The following BRF1 variants were observed in gnomAD, a reference collection of about 807,000 sequenced individuals.
BRF1 encodes the protein BRF1 general transcription factor IIIB subunit, also known as transcription factor IIIB 90 kDa subunit.
In BRF1, 59 loss-of-function variants were observed where a neutral mutation model predicts 81.7. That is an observed-to-expected ratio of 0.72 (90% confidence interval 0.59 to 0.90). BRF1 has a LOEUF of 0.90. Ranked by LOEUF, BRF1 falls within the 40% of genes least tolerant of loss-of-function variation. The pLI is 0.00. For missense variants in BRF1, 1,050 were observed against 936.3 expected, an observed-to-expected ratio of 1.12 and a Z score of -1.58; for synonymous variants, 491 against 395.6, an observed-to-expected ratio of 1.24 and a Z score of -2.86.
intron 6 of BRF1, among the ~76,000 whole-genome samples, chr14:105,240,957 G>T (rs1398056137): frequency 6.6e-6 from 1 of 152,176 alleles, no homozygotes; most frequent in Admixed American, 6.5e-5. Flanking sequence ...CAGAAGCCGG[G>T]CCCCACGAGA....
chr14:105,247,138 TGG>T, intron 5 of BRF1: 1 of 985,492 alleles, frequency 1.0e-6, no homozygotes, highest in Non-Finnish European at 1.2e-6. Flanking sequence ...TCTTTGCCAG[TGG>T]GGTCCCACAC....
intron 1 of BRF1, among the ~76,000 whole-genome samples, chr14:105,292,476 A>G (rs112189971): frequency 2.0e-4 from 30 of 152,220 alleles, no homozygotes; most frequent in African/African-American, 7.0e-4. Context: ...GTTTCCCAAA[A>G]TCCTGGGATT....
intron 10 of BRF1, among the ~76,000 whole-genome samples, chr14:105,222,707 C>A (rs1361140239): frequency 6.6e-6 from 1 of 152,062 alleles, no homozygotes; most frequent in Non-Finnish European, 1.5e-5. Context: ...CGGCTCACTG[C>A]AAGCTCCGCC....
chr14:105,245,124 C>T (rs1456305398), intron 5 of BRF1, among the ~76,000 whole-genome samples: 6 of 152,044 alleles, frequency 3.9e-5, no homozygotes, highest in Non-Finnish European at 4.4e-5. Flanking sequence ...TTTGGGAGGC[C>T]GAGGCAGGTG....
intron 6 of BRF1, among the ~76,000 whole-genome samples, chr14:105,229,556 A>G (rs916490720): frequency 4.9e-4 from 74 of 152,344 alleles, no homozygotes; most frequent in African/African-American, 1.7e-3. Flanking sequence ...TCCACCCACC[A>G]GCACCAAGGG....
intron 3 of BRF1, among the ~76,000 whole-genome samples, chr14:105,259,944 G>A (rs2056067930): frequency 1.3e-5 from 2 of 152,272 alleles, no homozygotes; most frequent in South Asian, 4.1e-4. Flanking sequence ...ACAGGGCACA[G>A]ATCATATGAT....
At chr14:105,270,286 G>A (rs1595434804) in intron 3 of BRF1, among the ~76,000 whole-genome samples, 3 of 150,982 alleles carry the variant, frequency 2.0e-5, no homozygotes, top group African/African-American at 7.3e-5. Context: ...CCATTCTCCT[G>A]CCTCAGCCTC....
In BRF1 at chr14:105,212,069, T is replaced by G. The variant is rs587775517; in HGVS notation, c.1824+44A>C. 5 of 1,605,002 alleles carry G rather than the reference T, an allele frequency of 3.1e-6. No individual in the cohort carries two copies. The East Asian group carries it at 1.1e-4, about 36-fold the overall frequency. On this transcript the variant is annotated intron_variant, in intron 16 of 17. Transcript: ENST00000547530. Reference sequence around the variant, plus strand: ...CATCTGGGCCCAGGAAGAAGTGGGCTGCCTCCCAAGGTCTCCCTGCCCTGG... The same window carrying G: ...CATCTGGGCCCAGGAAGAAGTGGGCGGCCTCCCAAGGTCTCCCTGCCCTGG...
chr14:105,244,420 G>A (rs58705971), intron 5 of BRF1, among the ~76,000 whole-genome samples: 2,779 of 152,252 alleles, frequency 0.018, 34 homozygotes, highest in African/African-American at 0.029. Context: ...TTCTAGCCTA[G>A]GTGACTGACA....
intron 15 of BRF1, among the ~76,000 whole-genome samples, chr14:105,214,326 G>A (rs587656209): frequency 2.0e-5 from 3 of 152,356 alleles, no homozygotes; most frequent in African/African-American, 7.2e-5. Flanking sequence ...TGGGCTAGAG[G>A]AAGACCCCGA....
intron 10 of BRF1, 38 bp from the exon 11 acceptor site, chr14:105,221,952 G>A (rs1170061696): frequency 6.6e-6 from 10 of 1,523,080 alleles, no homozygotes; most frequent in Non-Finnish European, 7.9e-6. Context: ...CAGGCAGAGG[G>A]CCAGGGTGCC....
chr14:105,229,283 C>G (rs587726755), intron 6 of BRF1, among the ~76,000 whole-genome samples: 1 of 152,218 alleles, frequency 6.6e-6, no homozygotes, highest in African/African-American at 2.4e-5. Flanking sequence ...AGGAAAGGGG[C>G]GAGGCCACAG....
chr14:105,289,091 A>AGG (rs2057421921), intron 1 of BRF1, among the ~76,000 whole-genome samples: 1 of 151,644 alleles, frequency 6.6e-6, no homozygotes, highest in Non-Finnish European at 1.5e-5. Flanking sequence ...TCACATCTGT[A>AGG]ATCACAGCAC....
At position 105,210,515 on chromosome 14, in the gene BRF1, CCCCTGCCAGG is replaced by C. The variant is rs1274006856; in HGVS notation, c.*26_*35del. The C allele has an allele frequency of 6.2e-7, 1 of 1,608,338 alleles. No homozygotes were observed. Among genetic ancestry groups the C allele is most frequent in the South Asian group, 1.1e-5 (1 of 90,856 alleles). ...CTGATGCTGAGGAGACCCGCGAGGC[CCCCTGCCAGG>C]ACATCACCTGCCTGGAGGCCACACT... On this transcript the variant is annotated 3_prime_UTR_variant, in exon 18 of 18. Coordinates refer to ENST00000547530, the MANE Select transcript of BRF1 (RefSeq NM_001519.4). The surrounding 1 kb of genome is among the most constrained non-coding windows in gnomAD (Gnocchi z 4.7).
intron 6 of BRF1, among the ~76,000 whole-genome samples, chr14:105,240,985 C>T (rs944869590): frequency 1.5e-4 from 23 of 152,322 alleles, no homozygotes; most frequent in African/African-American, 5.5e-4. Context: ...CAGGGATGCC[C>T]ATGCAGCCGC....
intron 2 of BRF1, among the ~76,000 whole-genome samples, chr14:105,283,141 G>A (rs1172752228): frequency 6.6e-6 from 1 of 152,164 alleles, no homozygotes; most frequent in Non-Finnish European, 1.5e-5. Context: ...GGCCCAGCCA[G>A]CCAAGGCAGA....
At chr14:105,311,942 G>A (rs1365605355) in intron 1 of BRF1, among the ~76,000 whole-genome samples, 1 of 152,224 alleles carries the variant, frequency 6.6e-6, no homozygotes, top group Non-Finnish European at 1.5e-5. Flanking sequence ...AGCATGGGCT[G>A]GGCAGGGACC....
Position 105,211,451 on chromosome 14 carries a change from T to G in BRF1, c.1825-158A>C, listed in dbSNP as rs1595226234. On this transcript the variant is annotated intron_variant, in intron 16 of 17. Coordinates refer to ENST00000547530, the MANE Select transcript of BRF1 (RefSeq NM_001519.4). ...AGGGCTCCCAGGCCCACTGGCCCCT[T>G]CTGGCCTCCTGGGGGCTGTGCCATG... 7 of 642,580 alleles carry G rather than the reference T, an allele frequency of 1.1e-5. No individual in the cohort carries two copies. In the East Asian group the frequency reaches 2.0e-4, roughly 19 times the overall value. 39.8% of individuals were successfully genotyped at this position (642,580 alleles called of 1,614,324 possible). A position where few individuals can be genotyped will look rare whatever the true frequency, so the allele number is the denominator to read the frequency against.
intron 6 of BRF1, 97 bp downstream of exon 6, chr14:105,241,168 G>C: frequency 6.5e-7 from 1 of 1,540,920 alleles, no homozygotes; most frequent in Non-Finnish European, 8.7e-7. Flanking sequence ...TCAGTGCTCT[G>C]CAAACATACG....
Sources: gnomAD v4.1 joint callset for allele counts (sites outside exome capture counted in the v4.1 genomes callset) on GRCh38, gnomAD v4.1.1 for gene constraint, Gnocchi (gnomAD v3.1) non-coding constraint, MANE v1.5 for transcripts, NCBI Gene and HGNC (gene_info 2026-07-23, HGNC 2026-07-21) for gene names.